The following PCDHGB4 variants were observed in gnomAD, a reference collection of about 807,000 sequenced individuals.
PCDHGB4 encodes protocadherin gamma subfamily B, 4, also known as protocadherin gamma-B4.
Under a neutral mutation model 60.5 loss-of-function variants are expected in PCDHGB4, and 38 were observed. The ratio of observed to expected loss-of-function variants is 0.63; its 90% CI spans 0.48 to 0.82. The LOEUF is 0.82. Among genes scored for constraint, PCDHGB4 ranks in the 40% least tolerant of loss-of-function variants. The pLI is 0.00. For missense variants in PCDHGB4, 1,109 were observed against 1,209.6 expected, an observed-to-expected ratio of 0.92 and a Z score of 1.23; for synonymous variants, 456 against 509.7, an observed-to-expected ratio of 0.89 and a Z score of 1.42.
intron 1 of PCDHGB4, chr5:141,418,622 G>A: frequency 2.5e-6 from 4 of 1,614,026 alleles, no homozygotes; most frequent in Non-Finnish European, 3.4e-6. Context: ...TCGGGAAGAC[G>A]TGCCTCCAGG....
At chr5:141,454,249 C>T (rs1215688507) in intron 1 of PCDHGB4, among the ~76,000 whole-genome samples, 3 of 152,192 alleles carry the variant, frequency 2.0e-5, no homozygotes, top group Non-Finnish European at 4.4e-5. Context: ...ATGAAGATGT[C>T]CCAGAGAAAG....
At chr5:141,413,199 A>T in intron 1 of PCDHGB4, 1 of 1,611,930 alleles carries the variant, frequency 6.2e-7, no homozygotes, top group Non-Finnish European at 8.5e-7. Flanking sequence ...GGAATCGCTC[A>T]AAGGAATCAA....
Position 141,486,912 on chromosome 5 carries a change from T to C in PCDHGB4, c.2398-7895T>C. The stretch of plus-strand genomic sequence containing the variant: ...CCTGGTTCCTTATGTCCCCAAGCAC[T>C]GCCTCCATCAGTTGGTGCTGGCCAC... On this transcript the variant is annotated intron_variant, in intron 1 of 3. Coordinates refer to ENST00000519479, the MANE Select transcript of PCDHGB4 (RefSeq NM_003736.4). This position sits in a 1 kb window ranked among gnomAD's most constrained non-coding sequence, Gnocchi z 5.0. The C allele has an allele frequency of 1.2e-6, 2 of 1,614,246 alleles. No homozygotes were observed. Among genetic ancestry groups the C allele is most frequent in the Non-Finnish European group, 1.7e-6 (2 of 1,180,040 alleles).
intron 1 of PCDHGB4, chr5:141,403,638 A>T (rs373036061): frequency 1.9e-6 from 3 of 1,613,906 alleles, no homozygotes; most frequent in Non-Finnish European, 2.5e-6. Flanking sequence ...GTGCGCATCC[A>T]TGTGACAGTG....
Position 141,397,997 on chromosome 5 carries a change from C to T in PCDHGB4, c.2397+7716C>T, listed in dbSNP as rs2093595590. ...GCCGGCCTTTACACCGCTTCCTCCTCGGAAAAAGAATCGTTTCCTAAACTG... is the reference window on the plus strand; with the variant it reads ...GCCGGCCTTTACACCGCTTCCTCCTTGGAAAAAGAATCGTTTCCTAAACTG... On this transcript the variant is annotated intron_variant, in intron 1 of 3. Coordinates refer to ENST00000519479, the MANE Select transcript of PCDHGB4 (RefSeq NM_003736.4). The T allele has an allele frequency of 6.6e-6, 9 of 1,372,980 alleles. No individual in the cohort carries two copies. The Admixed American group carries it at 2.4e-4, about 37-fold the overall frequency. The allele number at this position is 1,372,980 out of a possible 1,614,324, so 85.0% of individuals were successfully genotyped here.
chr5:141,430,761 T>G, intron 1 of PCDHGB4: 5 of 1,506,132 alleles, frequency 3.3e-6, no homozygotes, highest in Non-Finnish European at 3.5e-6. Context: ...AAGATAAGAA[T>G]GATTCCTGCG....
intron 1 of PCDHGB4, among the ~76,000 whole-genome samples, chr5:141,401,638 TA>T (rs2094176765): frequency 1.3e-5 from 2 of 152,242 alleles, no homozygotes; most frequent in South Asian, 4.1e-4. Context: ...TTTGGAGCTT[TA>T]AATATAAATG....
chr5:141,389,813 C>T lies in PCDHGB4; in HGVS notation c.1929C>T (p.Ala643=), dbSNP rs575968401. The change falls in exon 1 of 4, where the codon GCC becomes GCT. Residue 643 remains alanine (A), a synonymous_variant. Coordinates refer to ENST00000519479, the MANE Select transcript of PCDHGB4 (RefSeq NM_003736.4). ...RDAVRQRLLV[A]VRDGGQPPLS... ...CCGTCCGCCAGCGCCTTCTGGTCGC[C>T]GTGCGTGACGGTGGACAGCCACCAC... 1.1e-5 allele frequency: 18 copies of T among 1,613,844 alleles called. No homozygotes were observed. The highest frequency in any genetic ancestry group is 2.2e-5 in the South Asian group (2 of 91,066).
At chr5:141,412,367 A>C (rs1055060515) in intron 1 of PCDHGB4, 3 of 152,264 alleles carry the variant, frequency 2.0e-5, no homozygotes, top group Admixed American at 6.5e-5. Flanking sequence ...TTACCTGCTT[A>C]ATCATTTAAA....
chr5:141,478,142 G>T (rs774271595), intron 1 of PCDHGB4: 8 of 1,613,988 alleles, frequency 5.0e-6, no homozygotes, highest in Non-Finnish European at 6.8e-6. Flanking sequence ...AGCCCGAGCC[G>T]AGTTCCCCTC....
chr5:141,393,481 C>T, intron 1 of PCDHGB4: 1 of 1,614,066 alleles, frequency 6.2e-7, no homozygotes. Context: ...CCGCCTCGCT[C>T]TAGCACAGTG....
intron 1 of PCDHGB4, chr5:141,403,041 A>T: frequency 6.2e-7 from 1 of 1,614,084 alleles, no homozygotes; most frequent in Non-Finnish European, 8.5e-7. Flanking sequence ...AGGGCCAGTC[A>T]GATTCGCTAC....
chr5:141,451,358 T>C (rs537863729), intron 1 of PCDHGB4, among the ~76,000 whole-genome samples: 1 of 152,326 alleles, frequency 6.6e-6, no homozygotes, highest in African/African-American at 2.4e-5. Flanking sequence ...CAACAGAGGA[T>C]GGATCCGCTT....
At position 141,408,867 on chromosome 5, in the gene PCDHGB4, G is replaced by T. The variant is rs376342658; in HGVS notation, c.2397+18586G>T. 5.5e-5 allele frequency: 88 copies of T among 1,613,574 alleles called. No homozygotes were observed. The highest frequency in any genetic ancestry group is 6.8e-5 in the Non-Finnish European group (80 of 1,179,830). ...GCCTTGGACGGAGGGGACCCACCAA[G>T]AAGTGCCACCGCTCACATAGAAATT... On this transcript the variant is annotated intron_variant, in intron 1 of 3. Transcript: ENST00000519479.
At chr5:141,400,227 C>A (rs760084071) in intron 1 of PCDHGB4, 2 of 1,614,052 alleles carry the variant, frequency 1.2e-6, no homozygotes, top group Non-Finnish European at 1.7e-6. Flanking sequence ...TGCTCTTCCT[C>A]CTGGCCGTGA....
At chr5:141,400,235 T>TGATTCTGGCCGTTGCC in intron 1 of PCDHGB4, 1 of 1,614,006 alleles carries the variant, frequency 6.2e-7, no homozygotes, top group East Asian at 2.2e-5. Flanking sequence ...CTCCTGGCCG[T>TGATTCTGGCCGTTGCC]GATTCTGGCC....
intron 2 of PCDHGB4, among the ~76,000 whole-genome samples, chr5:141,505,066 G>A (rs1312509903): frequency 6.6e-6 from 1 of 152,190 alleles, no homozygotes; most frequent in Non-Finnish European, 1.5e-5. Flanking sequence ...GGAGACTGAG[G>A]CAGGAGAATC....
At position 141,489,099 on chromosome 5, in the gene PCDHGB4, G is replaced by C; in HGVS notation, c.2398-5708G>C. 5.5e-6 allele frequency: 2 copies of C among 361,982 alleles called. No homozygotes were observed. The highest frequency in any genetic ancestry group is 5.0e-5 in the South Asian group (1 of 19,862). 22.4% of individuals were successfully genotyped at this position (361,982 alleles called of 1,614,324 possible). On this transcript the variant is annotated intron_variant, in intron 1 of 3. Coordinates refer to ENST00000519479, the MANE Select transcript of PCDHGB4 (RefSeq NM_003736.4). The surrounding 1 kb of genome is among the most constrained non-coding windows in gnomAD (Gnocchi z 4.5). Reference sequence around the variant, plus strand: ...CCCCGCCACTCGGTGACTAAGAACTGCTGCAAGCAGGCAAACCTCCGAGCA... The same window carrying C: ...CCCCGCCACTCGGTGACTAAGAACTCCTGCAAGCAGGCAAACCTCCGAGCA...
At chr5:141,394,407 G>A in intron 1 of PCDHGB4, 1 of 1,614,240 alleles carries the variant, frequency 6.2e-7, no homozygotes, top group Admixed American at 1.7e-5. Context: ...GCAGCTACTG[G>A]TAACAGCCAG....
Sources: gnomAD v4.1 joint callset for allele counts (sites outside exome capture counted in the v4.1 genomes callset) on GRCh38, gnomAD v4.1.1 for gene constraint, Gnocchi (gnomAD v3.1) non-coding constraint, MANE v1.5 for transcripts, NCBI Gene and HGNC (gene_info 2026-07-23, HGNC 2026-07-21) for gene names.